Variants in RAD54B observed in about 807,000 individuals in gnomAD.
The protein encoded by RAD54B is RAD54 homolog B, also known as DNA repair and recombination protein RAD54B.
In RAD54B, 78 loss-of-function variants were observed where a neutral mutation model predicts 95.8. That is an observed-to-expected ratio of 0.81 (90% CI 0.68 to 0.98). The LOEUF (loss-of-function observed/expected upper bound fraction) is 0.98. RAD54B is among the 50% of genes least tolerant of loss of function. RAD54B has a pLI of 0.00. For missense variants in RAD54B, 957 were observed against 1,056.6 expected, an observed-to-expected ratio of 0.91 and a Z score of 1.31; for synonymous variants, 328 against 354.9, an observed-to-expected ratio of 0.92 and a Z score of 0.85.
Position 94,458,269 on chromosome 8 carries a change from T to G in RAD54B, c.303A>C (p.Thr101=). The G allele has an allele frequency of 6.3e-7, 1 of 1,594,938 alleles. No homozygotes were observed. Among genetic ancestry groups the G allele is most frequent in the Non-Finnish European group, 8.5e-7 (1 of 1,174,018 alleles). ...PTLATLDPPH[T]VHSAPKEVAV... ...CTTATCAATAAAAAGCAGTCTTACC[T>G]GTATGAGGTGGATCTAATGTTGCCA... Residue 101 remains threonine (T), a splice_region_variant and synonymous_variant, in exon 3 of 15, where the codon ACA becomes ACC. Transcript: ENST00000336148.
At position 94,428,565 on chromosome 8, in the gene RAD54B, T is replaced by C. The variant is rs549118959; in HGVS notation, c.305-17250A>G. ...AATAGTTGTTAGGATACAGGACAAG[T>C]GAGCCCCAAAACTGGGGATTAGCCC... is the stretch of plus-strand genomic sequence containing the variant. On this transcript the variant is annotated intron_variant, in intron 3 of 14. Coordinates refer to ENST00000336148, the MANE Select transcript of RAD54B (RefSeq NM_012415.3). 3.1e-4 allele frequency: 90 copies of C among 293,352 alleles called. 2 individuals carry two copies. The South Asian group carries it at 0.011, about 37-fold the overall frequency. The allele number at this position is 293,352 out of a possible 1,614,324, so 18.2% of individuals were successfully genotyped here. A position where few individuals can be genotyped will look rare whatever the true frequency, so the allele number is the denominator to read the frequency against.
intron 2 of RAD54B, among the ~76,000 whole-genome samples, chr8:94,466,387 TAAGACTGC>T (rs1813024177): frequency 6.6e-6 from 1 of 151,994 alleles, no homozygotes; most frequent in Non-Finnish European, 1.5e-5. Context: ...TGAGACACAT[TAAGACTGC>T]TTCCAGTATT....
intron 3 of RAD54B, among the ~76,000 whole-genome samples, chr8:94,440,316 A>G (rs574444463): frequency 6.6e-6 from 1 of 152,334 alleles, no homozygotes; most frequent in South Asian, 2.1e-4. Flanking sequence ...TGATTATATT[A>G]CAATAAAATT....
intron 1 of RAD54B, among the ~76,000 whole-genome samples, chr8:94,470,342 T>A (rs1367900712): frequency 6.6e-6 from 1 of 152,194 alleles, no homozygotes. Context: ...CTCACACCTG[T>A]AATCCCAGCA....
rs113338953 is a variant in RAD54B, at chr8:94,450,028, C to T, written c.304+8240G>A. ...GTGTGGATCAGAAACAATGCTCATACGCCCAAAAATCATAAAACCTAATTT... is the reference window on the plus strand; with the variant it reads ...GTGTGGATCAGAAACAATGCTCATATGCCCAAAAATCATAAAACCTAATTT... On this transcript the variant is annotated intron_variant, in intron 3 of 14. Coordinates refer to ENST00000336148, the MANE Select transcript of RAD54B (RefSeq NM_012415.3). Among the ~76,000 whole-genome samples the T allele has an allele frequency of 4.6e-5, 7 of 152,134 alleles. No homozygotes were observed. The East Asian group carries it at 5.8e-4, about 13-fold the overall frequency.
chr8:94,383,178 G>A (rs566599435), intron 11 of RAD54B, among the ~76,000 whole-genome samples: 13 of 150,744 alleles, frequency 8.6e-5, no homozygotes, highest in African/African-American at 2.7e-4. Context: ...TCAGCTACTC[G>A]AGAGGCCAAA....
At chr8:94,404,735 A>G (rs1215836725) in intron 5 of RAD54B, among the ~76,000 whole-genome samples, 1 of 152,176 alleles carries the variant, frequency 6.6e-6, no homozygotes, top group Non-Finnish European at 1.5e-5. Flanking sequence ...TAGAACTGAG[A>G]AAAAATGATA....
chr8:94,399,391 T>A, intron 8 of RAD54B, 23 bp downstream of exon 8: 1 of 1,601,230 alleles, frequency 6.2e-7, no homozygotes, highest in Non-Finnish European at 8.5e-7. Flanking sequence ...TTCCAAAATA[T>A]CTTCCCCAAA....
chr8:94,409,681 T>G (rs1230825511), intron 4 of RAD54B, among the ~76,000 whole-genome samples: 1 of 152,142 alleles, frequency 6.6e-6, no homozygotes, highest in East Asian at 1.9e-4. Context: ...CCTCAGATGA[T>G]TCTACTGGCA....
At chr8:94,463,719 A>C (rs1183091871) in intron 2 of RAD54B, among the ~76,000 whole-genome samples, 12 of 151,976 alleles carry the variant, frequency 7.9e-5, no homozygotes, top group Non-Finnish European at 1.8e-4. Context: ...CTCTATAAAA[A>C]ATTTAAAAAT....
intron 3 of RAD54B, among the ~76,000 whole-genome samples, chr8:94,440,743 G>A (rs995973276): frequency 6.6e-6 from 1 of 152,128 alleles, no homozygotes; most frequent in Admixed American, 6.5e-5. Flanking sequence ...GAGGAGCCGG[G>A]TATCCTCTAA....
rs550628981 is a variant in RAD54B at position 94,414,513 on chromosome 8, T to C, written c.305-3198A>G. 6.6e-3 allele frequency among the ~76,000 whole-genome samples: 1,003 copies of C among 152,308 alleles called. 14 individuals carry two copies. The highest frequency in any genetic ancestry group is 0.023 in the African/African-American group (955 of 41,560). On this transcript the variant is annotated intron_variant, in intron 3 of 14. Coordinates refer to ENST00000336148, the MANE Select transcript of RAD54B (RefSeq NM_012415.3). Reference sequence around the variant, plus strand: ...TGAGATATGTCCTATCAATACCTAATTTATTGAGAGTTTTTAGCATGAAGC... The same window carrying C: ...TGAGATATGTCCTATCAATACCTAACTTATTGAGAGTTTTTAGCATGAAGC...
chr8:94,389,128 C>CT (rs1228777230), intron 10 of RAD54B, among the ~76,000 whole-genome samples: 2 of 152,170 alleles, frequency 1.3e-5, no homozygotes, highest in African/African-American at 2.4e-5. Flanking sequence ...GTGATCTTTT[C>CT]TTTTTTTAAA....
chr8:94,436,877 T>A (rs965169010), intron 3 of RAD54B: 3 of 1,500,804 alleles, frequency 2.0e-6, no homozygotes, highest in Middle Eastern at 1.9e-4. Flanking sequence ...ATTGTTCTTT[T>A]CAAATTAAGT....
chr8:94,405,096 G>A (rs1433153673), intron 5 of RAD54B, among the ~76,000 whole-genome samples: 1 of 152,170 alleles, frequency 6.6e-6, no homozygotes, highest in Non-Finnish European at 1.5e-5. Context: ...TTAAAGGCAT[G>A]AGCCACTGCA....
chr8:94,446,796 T>C (rs1320102844), intron 3 of RAD54B, among the ~76,000 whole-genome samples: 1 of 152,202 alleles, frequency 6.6e-6, no homozygotes, highest in Non-Finnish European at 1.5e-5. Flanking sequence ...GTATGGTTCA[T>C]AAACTTAGCT....
chr8:94,403,532 C>G (rs1270577274), intron 6 of RAD54B, among the ~76,000 whole-genome samples: 1 of 151,990 alleles, frequency 6.6e-6, no homozygotes. Flanking sequence ...CAAAAATTAG[C>G]CAGGCATGGT....
intron 3 of RAD54B, among the ~76,000 whole-genome samples, chr8:94,442,441 G>A (rs149806438): frequency 0.022 from 3,350 of 152,132 alleles, 94 homozygotes; most frequent in African/African-American, 0.063. Flanking sequence ...CAGGCGTGGT[G>A]GCAGGCGCCT....
chr8:94,417,480 T>TAA (rs34766725), intron 3 of RAD54B, among the ~76,000 whole-genome samples: 1 of 140,904 alleles, frequency 7.1e-6, no homozygotes, highest in Non-Finnish European at 1.6e-5. Flanking sequence ...TGACTAAAAT[T>TAA]AAAAAAAAAA....
Sources: allele counts gnomAD v4.1 joint callset (sites outside exome capture counted in the v4.1 genomes callset), GRCh38; gene constraint gnomAD v4.1.1; transcripts MANE v1.5; gene names NCBI Gene and HGNC (gene_info 2026-07-23, HGNC 2026-07-21).